Variants in PTPRB observed in about 807,000 individuals in gnomAD.
PTPRB encodes the protein receptor-type tyrosine-protein phosphatase beta.
PTPRB carries 97 observed loss-of-function variants against 238.1 expected under a neutral mutation model. The observed-to-expected ratio is 0.41, with a 90% CI of 0.35 to 0.48. PTPRB has a LOEUF of 0.48. PTPRB is among the 20% of genes least tolerant of loss of function. The pLI is 0.30. For missense variants in PTPRB, 2,292 were observed against 2,681.9 expected (o/e 0.85, Z 3.21); for synonymous variants, 970 against 995.4 (o/e 0.97, Z 0.48).
intron 3 of PTPRB, among the ~76,000 whole-genome samples, chr12:70,620,032 G>A (rs1212326230): frequency 6.6e-6 from 1 of 152,194 alleles, no homozygotes; most frequent in Non-Finnish European, 1.5e-5. Flanking sequence ...AGTCATGAGA[G>A]CTGCAATTGT....
In PTPRB at chr12:70,556,028, G is replaced by A. The variant is rs772514478; in HGVS notation, c.4835C>T (p.Thr1612Ile). The A allele has an allele frequency of 6.2e-7, 1 of 1,613,908 alleles. No homozygotes were observed. Among genetic ancestry groups the A allele is most frequent in the Non-Finnish European group, 8.5e-7 (1 of 1,179,874 alleles). Residue 1612 changes from threonine to isoleucine, a missense_variant, in exon 19 of 34, where the codon ACC (threonine) becomes ATC (isoleucine). By Grantham distance (89) the Thr-to-Ile change is moderately conservative. Transcript: ENST00000334414. ...CTTTCTGGAAAACTCAACTTCTTGGGTGTCCATTTTCCGGCATTCAATACT... is the reference window on the plus strand; with the variant it reads ...CTTTCTGGAAAACTCAACTTCTTGGATGTCCATTTTCCGGCATTCAATACT... ...GYSIECRKMD[T>I]QEVEFSRKLE...
chr12:70,621,551 G>T (rs935056524), intron 3 of PTPRB, among the ~76,000 whole-genome samples: 4 of 152,178 alleles, frequency 2.6e-5, no homozygotes, highest in Non-Finnish European at 5.9e-5. Flanking sequence ...CAATGCACTG[G>T]CTATATTTGT....
chr12:70,624,608 C>A (rs1885093693), intron 2 of PTPRB, among the ~76,000 whole-genome samples: 1 of 152,050 alleles, frequency 6.6e-6, no homozygotes, highest in Admixed American at 6.6e-5. Context: ...AGACGTTTGT[C>A]TATTGTAGGG....
intron 31 of PTPRB, among the ~76,000 whole-genome samples, chr12:70,532,885 A>G (rs1873508499): frequency 6.6e-6 from 1 of 152,142 alleles, no homozygotes. Flanking sequence ...GCCTCAAGTG[A>G]TCCTTCCACT....
intron 3 of PTPRB, among the ~76,000 whole-genome samples, chr12:70,617,582 A>C (rs1461591441): frequency 6.6e-6 from 1 of 152,214 alleles, no homozygotes; most frequent in Non-Finnish European, 1.5e-5. Flanking sequence ...GCTACAGAAC[A>C]GTAGTAGCAG....
chr12:70,609,958 G>A, intron 3 of PTPRB: 1 of 561,710 alleles, frequency 1.8e-6, no homozygotes, highest in Non-Finnish European at 2.6e-6. Context: ...CGACGCGCAG[G>A]GGCCACTGCG....
chr12:70,558,632 T>C (rs1172838174), intron 18 of PTPRB, among the ~76,000 whole-genome samples: 1 of 152,192 alleles, frequency 6.6e-6, no homozygotes, highest in Non-Finnish European at 1.5e-5. Flanking sequence ...CATACAGCAG[T>C]ATATGCTAAC....
chr12:70,522,813 AT>A (rs1871799169), intron 33 of PTPRB, among the ~76,000 whole-genome samples: 1 of 138,256 alleles, frequency 7.2e-6, no homozygotes, highest in Non-Finnish European at 1.6e-5. Flanking sequence ...GCTTTTCTTT[AT>A]TTAGCTATTA....
At chr12:70,559,670 A>G (rs956672497) in intron 17 of PTPRB, 46 bp from the exon 18 acceptor site, 15 of 1,512,578 alleles carry the variant, frequency 9.9e-6, no homozygotes, top group East Asian at 2.3e-5. Flanking sequence ...CAGCTATGCC[A>G]TAACATATAC....
Position 70,539,645 on chromosome 12 carries a change from G to T in PTPRB, c.5758C>A (p.Leu1920Ile). The T allele has an allele frequency of 6.4e-7, 1 of 1,572,154 alleles. No individual in the cohort carries two copies. ...FMKLQADSNY[L>I]LSKEYEELKD... ...TGTACCTCGTATTCCTTGGATAGAA[G>T]GTAGTTGGAGTCAGCCTGTAGCTTC... is the stretch of plus-strand genomic sequence containing the variant. Residue 1920 changes from leucine to isoleucine, a missense_variant, in exon 26 of 34, where the codon CTT becomes ATT. By Grantham distance (5) the Leu-to-Ile change is conservative. Transcript: ENST00000334414.
intron 2 of PTPRB, among the ~76,000 whole-genome samples, chr12:70,635,189 G>T (rs1317625925): frequency 6.6e-6 from 1 of 152,128 alleles, no homozygotes; most frequent in Non-Finnish European, 1.5e-5. Flanking sequence ...CAAGAGATTT[G>T]CAAAAACACA....
chr12:70,610,498 A>C (rs1171583693), intron 3 of PTPRB, among the ~76,000 whole-genome samples: 1 of 149,946 alleles, frequency 6.7e-6, no homozygotes, highest in African/African-American at 2.5e-5. Context: ...ATTAAACTTG[A>C]CCGCAGCATA....
chr12:70,579,840 A>C (rs899155412), intron 10 of PTPRB, among the ~76,000 whole-genome samples: 2 of 152,130 alleles, frequency 1.3e-5, no homozygotes, highest in African/African-American at 4.8e-5. Flanking sequence ...AGAGTTAATG[A>C]AGTTAATGTC....
In PTPRB at chr12:70,518,104, CG is replaced by C. The variant is rs1871329588; in HGVS notation, c.*3384del. 2 of 152,042 alleles carry C rather than the reference CG, an allele frequency of 1.3e-5. No homozygotes were observed. The highest frequency in any genetic ancestry group is 1.3e-4 in the Admixed American group (2 of 15,256). The allele number at this position is 152,042 out of a possible 1,614,324, so 9.4% of individuals were successfully genotyped here. ...AAGACCCTCCCAAAGAAAACTGCCCCGAAAATGTCTGTGTGCTGTGTGCCTT... is the reference window on the plus strand; with the variant it reads ...AAGACCCTCCCAAAGAAAACTGCCCCAAAATGTCTGTGTGCTGTGTGCCTT... On this transcript the variant is annotated 3_prime_UTR_variant, in exon 34 of 34. Coordinates refer to ENST00000334414, the MANE Select transcript of PTPRB (RefSeq NM_001109754.4).
chr12:70,600,287 G>A (rs1009186804), intron 4 of PTPRB, among the ~76,000 whole-genome samples: 1 of 152,144 alleles, frequency 6.6e-6, no homozygotes, highest in Admixed American at 6.5e-5. Context: ...AGTTGGAATA[G>A]GGGCTCAGAG....
At position 70,563,052 on chromosome 12, in the gene PTPRB, G is replaced by C. The variant is rs1456938733; in HGVS notation, c.3960C>G (p.Ser1320=). 3.1e-6 allele frequency: 5 copies of C among 1,613,842 alleles called. No individual in the cohort carries two copies. The East Asian group carries it at 8.9e-5, about 29-fold the overall frequency. Residue 1320 remains serine (S), a synonymous_variant, in exon 16 of 34, where the codon TCC becomes TCG. Coordinates refer to ENST00000334414, the MANE Select transcript of PTPRB (RefSeq NM_001109754.4). ...CCCCCTCTGAGGCGGTCCAGCGGAA[G>C]GACAGGTGCCTGGTGGAGTTCTCTG... The part of the protein sequence containing the change: ...RITENSTRHL[S]FRWTASEGEL...
At position 70,590,195 on chromosome 12, in the gene PTPRB, C is replaced by T. The variant is rs1281823856; in HGVS notation, c.1819G>A (p.Gly607Ser). ...CTCACTACAAGAGACCTCATCCTGC[C>T]ATTATTGTTTGCCTCCAGGTTTGCA... The part of the protein sequence containing the change: ...KVANLEANNN[G>S]RMRSLVVSWS... Residue 607 changes from glycine (G) to serine (S), a missense_variant, in exon 8 of 34, where the codon GGC becomes AGC. Gly to Ser is a moderately conservative substitution (Grantham distance 56, BLOSUM62 0). This residue lies in a region of PTPRB where 1,205 missense variants were observed against 1,287.8 expected (regional missense o/e 0.94). Coordinates refer to ENST00000334414, the MANE Select transcript of PTPRB (RefSeq NM_001109754.4). 6.3e-7 allele frequency: 1 copy of T among 1,586,960 alleles called. No homozygotes were observed. Among genetic ancestry groups the T allele is most frequent in the Non-Finnish European group, 8.6e-7 (1 of 1,164,976 alleles).
chr12:70,600,507 T>C lies in PTPRB; in HGVS notation c.980-4180A>G, dbSNP rs961896325. On this transcript the variant is annotated intron_variant, in intron 4 of 33. Coordinates refer to ENST00000334414, the MANE Select transcript of PTPRB (RefSeq NM_001109754.4). ...CATATTTATAGAATTTTTCAGATGT[T>C]GGTTTGCTACTGTAGCATAGTCAAA... is the stretch of plus-strand genomic sequence containing the variant. 3.9e-5 allele frequency among the ~76,000 whole-genome samples: 6 copies of C among 152,242 alleles called. No homozygotes were observed. In the East Asian group the frequency reaches 1.2e-3, roughly 29 times the overall value.
intron 11 of PTPRB, 57 bp from the exon 12 acceptor site, chr12:70,572,144 C>T: frequency 1.4e-6 from 2 of 1,450,376 alleles, no homozygotes; most frequent in Non-Finnish European, 1.9e-6. Context: ...AGTAATTGAT[C>T]ACAGATGACA....
Sources: gnomAD v4.1 joint callset for allele counts (sites outside exome capture counted in the v4.1 genomes callset) on GRCh38, gnomAD v4.1.1 for gene constraint, gnomAD v4.1.1 regional missense constraint, MANE v1.5 for transcripts, NCBI Gene and HGNC (gene_info 2026-07-23, HGNC 2026-07-21) for gene names.